Variants in RAF1 observed in about 807,000 individuals in gnomAD.
RAF1 encodes RAF proto-oncogene serine/threonine-protein kinase.
In RAF1, 27 loss-of-function variants were observed where a neutral mutation model predicts 81.1. That is an observed-to-expected ratio of 0.33 (90% confidence interval 0.25 to 0.46). The LOEUF is 0.46. Among genes scored for constraint, RAF1 ranks in the 20% least tolerant of loss-of-function variants. RAF1 has a pLI of 1.00. For missense variants in RAF1, 598 were observed against 826.0 expected, an observed-to-expected ratio of 0.72 and a Z score of 3.38; for synonymous variants, 298 against 294.0, an observed-to-expected ratio of 1.01 and a Z score of -0.14.
intron 1 of RAF1, among the ~76,000 whole-genome samples, chr3:12,649,191 A>T (rs756282075): frequency 6.6e-6 from 1 of 152,178 alleles, no homozygotes; most frequent in African/African-American, 2.4e-5. Flanking sequence ...AACTTTAACA[A>T]CTTCTAAGAG....
intron 1 of RAF1, among the ~76,000 whole-genome samples, chr3:12,657,993 G>C (rs948408872): frequency 1.1e-4 from 17 of 152,010 alleles, no homozygotes; most frequent in African/African-American, 4.1e-4. Flanking sequence ...CATATAAATG[G>C]AATAATTCAA....
chr3:12,608,971 A>G, intron 4 of RAF1, 48 bp from the exon 5 acceptor site: 1 of 1,605,210 alleles, frequency 6.2e-7, no homozygotes, highest in Non-Finnish European at 8.5e-7. Context: ...ATAAAAGATG[A>G]CAAAAGACAA....
chr3:12,614,199 T>G (rs1559441654), intron 2 of RAF1, among the ~76,000 whole-genome samples: 1 of 152,282 alleles, frequency 6.6e-6, no homozygotes, highest in African/African-American at 2.4e-5. Context: ...TTGGCTCATA[T>G]GAATGCTTTA....
chr3:12,649,601 AC>A (rs2125559020), intron 1 of RAF1, among the ~76,000 whole-genome samples: 1 of 151,072 alleles, frequency 6.6e-6, no homozygotes, highest in South Asian at 2.1e-4. Context: ...ACACACACAC[AC>A]ACACACACAC....
rs1197498955 is a variant in RAF1, at chr3:12,599,743, G to A, written c.1116C>T (p.Ser372=). 2 of 1,614,080 alleles carry A rather than the reference G, an allele frequency of 1.2e-6. No homozygotes were observed. Among genetic ancestry groups the A allele is most frequent in the East Asian group, 2.2e-5 (1 of 44,882 alleles). The change falls in exon 11 of 18, where the codon TCC becomes TCT. Residue 372 remains serine, a synonymous_variant. Transcript: ENST00000442415. ...CAAAAGAGCCTGACCCAATCCGAGT[G>A]GACAGCATCACTTCACTGGCTTCTA...
At chr3:12,657,454 AAAT>A (rs2060731932) in intron 1 of RAF1, among the ~76,000 whole-genome samples, 1 of 152,178 alleles carries the variant, frequency 6.6e-6, no homozygotes, top group Non-Finnish European at 1.5e-5. Context: ...TACTCAAAGA[AAAT>A]AATATTTAAT....
intron 2 of RAF1, among the ~76,000 whole-genome samples, chr3:12,614,346 C>T (rs564952950): frequency 1.3e-5 from 2 of 152,178 alleles, no homozygotes; most frequent in African/African-American, 4.8e-5. Flanking sequence ...GCAGGCCTGC[C>T]ATGGTTAGCT....
chr3:12,618,770 G>T (rs1250468334), intron 1 of RAF1, 23 bp from the exon 2 acceptor site: 33 of 1,569,452 alleles, frequency 2.1e-5, no homozygotes, highest in Non-Finnish European at 2.5e-5. Context: ...ACAAATAATT[G>T]TAACTCTAGA....
Position 12,597,796 on chromosome 3 carries a change from TCCTAG to T in RAF1, c.1168+1890_1168+1894del, listed in dbSNP as rs2058731256. On this transcript the variant is annotated intron_variant, in intron 11 of 17. Coordinates refer to ENST00000442415, the MANE Select transcript of RAF1 (RefSeq NM_001354689.3). ...CGGGTGTGGTGGCATGTGCCTGTAG[TCCTAG>T]CTACTTGGGAGGCTGAGGCAGGAGG... Among the ~76,000 whole-genome samples the T allele has an allele frequency of 3.3e-5, 5 of 151,824 alleles. No homozygotes were observed. The South Asian group carries it at 1.0e-3, about 32-fold the overall frequency.
intron 1 of RAF1, among the ~76,000 whole-genome samples, chr3:12,638,090 T>C (rs930449038): frequency 1.3e-5 from 2 of 152,152 alleles, no homozygotes; most frequent in Non-Finnish European, 2.9e-5. Context: ...TTTATCACCA[T>C]TTGAAATAAT....
intron 1 of RAF1, among the ~76,000 whole-genome samples, chr3:12,642,106 C>T (rs2060205366): frequency 6.6e-6 from 1 of 151,874 alleles, no homozygotes; most frequent in Non-Finnish European, 1.5e-5. Context: ...CCAGATCGTG[C>T]CATTGCACTC....
chr3:12,619,113 C>T (rs1405124647), intron 1 of RAF1, among the ~76,000 whole-genome samples: 2 of 151,852 alleles, frequency 1.3e-5, no homozygotes, highest in African/African-American at 2.4e-5. Flanking sequence ...GGCGTGGTGG[C>T]GGGCGCCTGT....
chr3:12,640,624 C>T (rs1363862280), intron 1 of RAF1, among the ~76,000 whole-genome samples: 4 of 152,314 alleles, frequency 2.6e-5, no homozygotes, highest in Non-Finnish European at 5.9e-5. Flanking sequence ...AAATGCTCAT[C>T]ACTGGCCATC....
rs146253700 is a variant in RAF1 at position 12,594,640 on chromosome 3, T to C, written c.1169-2848A>G. Among the ~76,000 whole-genome samples the C allele has an allele frequency of 4.1e-4, 62 of 152,342 alleles. 1 individual carries two copies. The highest frequency in any genetic ancestry group is 1.5e-3 in the African/African-American group (62 of 41,586). On this transcript the variant is annotated intron_variant, in intron 11 of 17. Transcript: ENST00000442415. The stretch of plus-strand genomic sequence containing the variant: ...ACACACGTTATCATTAAGCCACATC[T>C]TCCCCCTCCAGTTCTACTTTTTGGA...
chr3:12,662,718 T>C, intron 1 of RAF1, among the ~76,000 whole-genome samples: 1 of 152,236 alleles, frequency 6.6e-6, no homozygotes, highest in East Asian at 1.9e-4. Context: ...GATGAGCACT[T>C]ACTCACAGGT....
At chr3:12,612,886 G>A (rs892182966) in intron 2 of RAF1, among the ~76,000 whole-genome samples, 2 of 152,000 alleles carry the variant, frequency 1.3e-5, no homozygotes, top group Non-Finnish European at 2.9e-5. Context: ...ATAAACAAAC[G>A]AGTTTTTATG....
chr3:12,614,594 G>T (rs1559442281), intron 2 of RAF1, among the ~76,000 whole-genome samples: 2 of 145,758 alleles, frequency 1.4e-5, no homozygotes. Flanking sequence ...TCTAGCTAAT[G>T]TTTTTTTTTT....
intron 1 of RAF1, among the ~76,000 whole-genome samples, chr3:12,663,605 TGG>T (rs960933580): frequency 5.3e-5 from 8 of 152,352 alleles, no homozygotes; most frequent in African/African-American, 1.9e-4. Flanking sequence ...GAGTGGGATG[TGG>T]GAACTCGGCT....
chr3:12,630,175 T>A (rs1196240964), intron 1 of RAF1, among the ~76,000 whole-genome samples: 1 of 152,186 alleles, frequency 6.6e-6, no homozygotes, highest in Non-Finnish European at 1.5e-5. Context: ...CCTAACACAT[T>A]TTTTTGGGTA....
Sources: gnomAD v4.1 joint callset for allele counts (sites outside exome capture counted in the v4.1 genomes callset) on GRCh38, gnomAD v4.1.1 for gene constraint, MANE v1.5 for transcripts, NCBI Gene and HGNC (gene_info 2026-07-23, HGNC 2026-07-21) for gene names.